ST7L: variants seen among roughly 807,000 people sequenced by gnomAD.
ST7L encodes the protein suppressor of tumorigenicity 7 protein-like.
ST7L carries 57 observed loss-of-function variants against 72.5 expected under a neutral mutation model. The observed-to-expected ratio is 0.79, with a 90% CI of 0.64 to 0.98. The LOEUF (loss-of-function observed/expected upper bound fraction) is 0.98. Ranked by LOEUF, ST7L falls within the 50% of genes least tolerant of loss-of-function variation. The pLI is 0.00. For missense variants in ST7L, 576 were observed against 672.2 expected (o/e 0.86, Z 1.58); for synonymous variants, 221 against 240.9 (o/e 0.92, Z 0.77).
At chr1:112,615,511 C>T (rs181610308) in intron 2 of ST7L, among the ~76,000 whole-genome samples, 2 of 152,156 alleles carry the variant, frequency 1.3e-5, no homozygotes, top group African/African-American at 4.8e-5. Context: ...CCAATGTTGC[C>T]AATATTAAAA....
intron 14 of ST7L, among the ~76,000 whole-genome samples, chr1:112,538,795 G>C (rs1277084947): frequency 6.6e-6 from 1 of 152,142 alleles, no homozygotes; most frequent in Non-Finnish European, 1.5e-5. Flanking sequence ...TGATGATGAT[G>C]ACAATAAAGG....
chr1:112,560,292 GCTGAGA>G (rs1659900233), intron 11 of ST7L, among the ~76,000 whole-genome samples: 1 of 152,024 alleles, frequency 6.6e-6, no homozygotes, highest in Non-Finnish European at 1.5e-5. Flanking sequence ...TATTCGGGAG[GCTGAGA>G]CAGGAGAATG....
chr1:112,530,501 G>A (rs977995185), intron 14 of ST7L, among the ~76,000 whole-genome samples: 4 of 151,994 alleles, frequency 2.6e-5, no homozygotes, highest in African/African-American at 9.7e-5. Context: ...TGCAACCTTC[G>A]CCTCCCAGGT....
chr1:112,548,371 A>G (rs1300838139), intron 13 of ST7L, among the ~76,000 whole-genome samples: 1 of 152,200 alleles, frequency 6.6e-6, no homozygotes, highest in Non-Finnish European at 1.5e-5. Context: ...AAAAACAAAA[A>G]AAGAAGAGAA....
chr1:112,541,190 C>T lies in ST7L; in HGVS notation c.1629+761G>A, dbSNP rs150965302. 9.3e-3 allele frequency among the ~76,000 whole-genome samples: 1,414 copies of T among 151,486 alleles called. 7 individuals are homozygous for T. Among genetic ancestry groups the T allele is most frequent in the Non-Finnish European group, 0.015 (989 of 67,892 alleles). The stretch of plus-strand genomic sequence containing the variant: ...GTCCCAGCTACTCGGGGGGCTGAGG[C>T]GGGAGGACTGTTGAACCCAGGAGGC... On this transcript the variant is annotated intron_variant, in intron 14 of 14. Coordinates refer to ENST00000358039, the MANE Select transcript of ST7L (RefSeq NM_017744.5).
Position 112,610,982 on chromosome 1 carries a change from G to T in ST7L, c.310C>A (p.His104Asn). The change falls in exon 3 of 15, where the codon CAT (histidine) becomes AAT (asparagine). Residue 104 changes from histidine to asparagine, a missense_variant. Coordinates refer to ENST00000358039, the MANE Select transcript of ST7L (RefSeq NM_017744.5). The stretch of plus-strand genomic sequence containing the variant: ...TCAATAAAAGATGTGCCATGCTTAT[G>T]GAAGTACCACCATTCAAATATCTAT... ...LIFIFEWWYF[H>N]KHGTSFIEQV... 1.2e-6 allele frequency: 2 copies of T among 1,614,078 alleles called. No homozygotes were observed. Among genetic ancestry groups the T allele is most frequent in the Non-Finnish European group, 1.7e-6 (2 of 1,180,016 alleles).
At chr1:112,619,415 C>T (rs3790597), upstream of ST7L, 9 of 535,960 alleles carry the variant, frequency 1.7e-5, no homozygotes, top group Admixed American at 1.0e-4. Context: ...CCGCCCCCCC[C>T]CCGGGGTTGG....
At chr1:112,614,510 T>A (rs1669556599) in intron 2 of ST7L, among the ~76,000 whole-genome samples, 1 of 152,232 alleles carries the variant, frequency 6.6e-6, no homozygotes, top group African/African-American at 2.4e-5. Flanking sequence ...CAATAGCTTC[T>A]ATTTTTTTTA....
At chr1:112,600,916 T>G in intron 3 of ST7L, 68 bp from the exon 4 acceptor site, 1 of 1,402,466 alleles carries the variant, frequency 7.1e-7, no homozygotes. Flanking sequence ...CAATATCTAT[T>G]GTCTACCCAC....
At chr1:112,552,937 C>T (rs546381554) in intron 12 of ST7L, among the ~76,000 whole-genome samples, 1 of 151,802 alleles carries the variant, frequency 6.6e-6, no homozygotes, top group South Asian at 2.1e-4. Flanking sequence ...GACCTCATCA[C>T]TACATAAAAA....
At chr1:112,598,997 T>C (rs1666919791) in intron 4 of ST7L, among the ~76,000 whole-genome samples, 1 of 143,006 alleles carries the variant, frequency 7.0e-6, no homozygotes, top group African/African-American at 2.6e-5. Flanking sequence ...GAGGAGGAGA[T>C]TGCAGTGAAC....
At chr1:112,550,822 C>A in intron 12 of ST7L, 129 bp from the exon 13 acceptor site, 5 of 630,622 alleles carry the variant, frequency 7.9e-6, no homozygotes, top group Admixed American at 2.9e-5. Flanking sequence ...ATACGAGAAA[C>A]AAAGTAAGCA....
chr1:112,605,096 A>G (rs1223998043), intron 3 of ST7L, among the ~76,000 whole-genome samples: 1 of 149,832 alleles, frequency 6.7e-6, no homozygotes, highest in East Asian at 2.0e-4. Context: ...TCCAAAAAAA[A>G]AAAAAAAAAA....
chr1:112,601,000 A>G (rs975378835), intron 3 of ST7L, 152 bp from the exon 4 acceptor site: 1 of 655,094 alleles, frequency 1.5e-6, no homozygotes, highest in South Asian at 2.1e-5. Flanking sequence ...ACAGAATTAA[A>G]TCTAGTCATT....
chr1:112,609,398 G>A (rs1446351007), intron 3 of ST7L, among the ~76,000 whole-genome samples: 4 of 152,012 alleles, frequency 2.6e-5, no homozygotes, highest in Non-Finnish European at 5.9e-5. Flanking sequence ...GGGTGCAGTG[G>A]TACATGCCTG....
chr1:112,590,119 C>A (rs975685592), intron 6 of ST7L, among the ~76,000 whole-genome samples: 1 of 152,190 alleles, frequency 6.6e-6, no homozygotes, highest in Non-Finnish European at 1.5e-5. Flanking sequence ...AAATTGAAAA[C>A]TCTCTTCTTT....
At position 112,599,073 on chromosome 1, in the gene ST7L, A is replaced by AAAAATATAT. The variant is rs1190968815; in HGVS notation, c.507-988_507-987insATATATTTT. On this transcript the variant is annotated intron_variant, in intron 4 of 14. Transcript: ENST00000358039. ...AGACTCAGCCTCAAAAAAAAAAAAA[A>AAAAATATAT]ATATATATATATATATATATATATA... Among the ~76,000 whole-genome samples, 51 of 56,978 alleles carry AAAAATATAT rather than the reference A, an allele frequency of 9.0e-4. 1 individual carries two copies. The highest frequency in any genetic ancestry group is 1.9e-3 in the East Asian group (2 of 1,070). 37.4% of individuals were successfully genotyped at this position (56,978 alleles called of 152,430 possible).
In ST7L at chr1:112,598,019, G is replaced by A; in HGVS notation, c.574C>T (p.Gln192Ter). 1 of 1,613,696 alleles carries A rather than the reference G, an allele frequency of 6.2e-7. No homozygotes were observed. The highest frequency in any genetic ancestry group is 1.1e-5 in the South Asian group (1 of 91,048). The change falls in exon 5 of 15, where the codon CAG becomes TAG. Residue 192 changes from glutamine to a stop codon, truncating the protein, a stop_gained. Transcript: ENST00000358039. LOFTEE classifies it high-confidence loss of function. ...YDMNLSAQDH[Q>*]TFFTCDTDFL... Reference sequence around the variant, plus strand: ...TCTGTGTCACAGGTGAAAAAGGTCTGATGGTCCTGAGCTGACAGGTTCATG... The same window carrying A: ...TCTGTGTCACAGGTGAAAAAGGTCTAATGGTCCTGAGCTGACAGGTTCATG...
chr1:112,537,153 G>A (rs369677023), intron 14 of ST7L, among the ~76,000 whole-genome samples: 50 of 152,010 alleles, frequency 3.3e-4, no homozygotes, highest in African/African-American at 1.1e-3. Context: ...GTACCACCAC[G>A]CCCAGCTAAT....
Sources: allele counts gnomAD v4.1 joint callset (sites outside exome capture counted in the v4.1 genomes callset), GRCh38; gene constraint gnomAD v4.1.1; transcripts MANE v1.5; gene names NCBI Gene and HGNC (gene_info 2026-07-23, HGNC 2026-07-21).